Variants in HPCAL1 observed in about 807,000 individuals in gnomAD.
The protein encoded by HPCAL1 is hippocalcin-like protein 1.
A neutral mutation model predicts 17.1 loss-of-function variants in HPCAL1; 8 were observed. That is an observed-to-expected ratio of 0.47 (90% CI 0.27 to 0.84). The LOEUF (loss-of-function observed/expected upper bound fraction) is 0.84. Among genes scored for constraint, HPCAL1 ranks in the 40% least tolerant of loss-of-function variants. The pLI, the probability that HPCAL1 is intolerant of heterozygous loss-of-function variation, is 0.13. For missense variants in HPCAL1, 165 were observed against 271.1 expected, an observed-to-expected ratio of 0.61 and a Z score of 2.75; for synonymous variants, 112 against 111.4, an observed-to-expected ratio of 1.01 and a Z score of -0.03.
chr2:10,329,454 A>G (rs1056473664), intron 1 of HPCAL1, among the ~76,000 whole-genome samples: 17 of 152,142 alleles, frequency 1.1e-4, no homozygotes, highest in African/African-American at 3.9e-4. Flanking sequence ...GAGATGAAAC[A>G]CTGCTGGCTC....
intron 1 of HPCAL1, among the ~76,000 whole-genome samples, chr2:10,340,487 AG>A (rs149805202): frequency 0.063 from 9,567 of 152,240 alleles, 848 homozygotes; most frequent in African/African-American, 0.2. Flanking sequence ...CTCAGATAGT[AG>A]GAATAGGTAG....
intron 2 of HPCAL1, among the ~76,000 whole-genome samples, chr2:10,406,983 A>T (rs1670013921): frequency 6.6e-6 from 1 of 152,026 alleles, no homozygotes; most frequent in Admixed American, 6.6e-5. Flanking sequence ...CAGCTCAAAG[A>T]GCTCCTCTCC....
chr2:10,370,904 A>G (rs1396535141), intron 1 of HPCAL1, among the ~76,000 whole-genome samples: 1 of 152,190 alleles, frequency 6.6e-6, no homozygotes, highest in Non-Finnish European at 1.5e-5. Context: ...AAGGGGGCCC[A>G]CCTAAAGTTG....
intron 2 of HPCAL1, among the ~76,000 whole-genome samples, chr2:10,413,004 C>G (rs1307962192): frequency 2.0e-5 from 3 of 152,228 alleles, no homozygotes; most frequent in African/African-American, 7.2e-5. Flanking sequence ...CTTCTGCCTC[C>G]ACATTCTTCT....
At chr2:10,415,143 G>T (rs368294372) in intron 2 of HPCAL1, among the ~76,000 whole-genome samples, 1 of 152,234 alleles carries the variant, frequency 6.6e-6, no homozygotes, top group African/African-American at 2.4e-5. Flanking sequence ...GGGACAGCCC[G>T]GTGGGTCAAC....
At chr2:10,358,702 A>T (rs1370709481) in intron 1 of HPCAL1, among the ~76,000 whole-genome samples, 1 of 152,030 alleles carries the variant, frequency 6.6e-6, no homozygotes, top group Non-Finnish European at 1.5e-5. Context: ...AATGCCCCGG[A>T]GTTTGGCTGG....
intron 1 of HPCAL1, among the ~76,000 whole-genome samples, chr2:10,317,931 G>T (rs1221464944): frequency 6.6e-6 from 1 of 151,946 alleles, no homozygotes; most frequent in African/African-American, 2.4e-5. Flanking sequence ...AACCTCTCTT[G>T]TTGTCCCCAT....
intron 1 of HPCAL1, among the ~76,000 whole-genome samples, chr2:10,328,817 CT>C (rs1349681589): frequency 6.6e-6 from 1 of 152,070 alleles, no homozygotes; most frequent in Non-Finnish European, 1.5e-5. Flanking sequence ...CCCATCTGAA[CT>C]TTCTCTGCCC....
At chr2:10,319,407 G>A (rs1040806686) in intron 1 of HPCAL1, among the ~76,000 whole-genome samples, 4 of 152,148 alleles carry the variant, frequency 2.6e-5, no homozygotes, top group Admixed American at 2.0e-4. Context: ...GTAATTTGCC[G>A]TTATGTACTG....
At position 10,384,618 on chromosome 2, in the gene HPCAL1, G is replaced by A. The variant is rs1182527088; in HGVS notation, c.-110-12217G>A. ...GAGGTGCTCAGTGCTATGAAAGCCA[G>A]CAGCTGGGAGTTTCAGGGGCTTCCC... On this transcript the variant is annotated intron_variant, in intron 1 of 4. Coordinates refer to ENST00000307845, the MANE Select transcript of HPCAL1 (RefSeq NM_002149.4). The surrounding 1 kb of genome is among the most constrained non-coding windows in gnomAD (Gnocchi z 4.4). 6.6e-6 allele frequency among the ~76,000 whole-genome samples: 1 copy of A among 152,168 alleles called. No individual in the cohort carries two copies. Among genetic ancestry groups the A allele is most frequent in the Non-Finnish European group, 1.5e-5 (1 of 68,038 alleles).
At chr2:10,424,881 TGCTCCAG>T (rs1464585741) in intron 4 of HPCAL1, 35 of 338,164 alleles carry the variant, frequency 1.0e-4, no homozygotes, top group Non-Finnish European at 2.0e-4. Context: ...GGTGCCTGGC[TGCTCCAG>T]GCCTCTAGGC....
chr2:10,340,647 C>CT (rs1665022379), intron 1 of HPCAL1, among the ~76,000 whole-genome samples: 1 of 152,208 alleles, frequency 6.6e-6, no homozygotes, highest in South Asian at 2.1e-4. Flanking sequence ...CAACCCCAAG[C>CT]TTGCTGCTCT....
At chr2:10,313,171 G>A (rs1049345642) in intron 1 of HPCAL1, among the ~76,000 whole-genome samples, 3 of 152,214 alleles carry the variant, frequency 2.0e-5, no homozygotes, top group African/African-American at 4.8e-5. Flanking sequence ...AGAATCTCAC[G>A]TATTCTTTCA....
At chr2:10,404,921 G>A (rs999866309) in intron 2 of HPCAL1, among the ~76,000 whole-genome samples, 3 of 152,118 alleles carry the variant, frequency 2.0e-5, no homozygotes, top group African/African-American at 4.8e-5. Context: ...AGCCCAGGCC[G>A]CAGCCCCCAC....
chr2:10,400,027 G>A (rs1157729432), intron 2 of HPCAL1, among the ~76,000 whole-genome samples: 2 of 152,232 alleles, frequency 1.3e-5, no homozygotes, highest in Non-Finnish European at 2.9e-5. Context: ...AAGCTGGAAA[G>A]GGGATAAAGA....
In HPCAL1 at chr2:10,343,346, C is replaced by G. The variant is rs1481616360; in HGVS notation, c.-111+40169C>G. ...CAATCCTCGGAGTAATGACTCTCTT[C>G]TAGGAGCAAGATGATGCTAATTCTC... is the stretch of plus-strand genomic sequence containing the variant. On this transcript the variant is annotated intron_variant, in intron 1 of 4. Coordinates refer to ENST00000307845, the MANE Select transcript of HPCAL1 (RefSeq NM_002149.4). This position sits in a 1 kb window ranked among gnomAD's most constrained non-coding sequence, Gnocchi z 4.8. Among the ~76,000 whole-genome samples, 1 of 152,206 alleles carries G rather than the reference C, an allele frequency of 6.6e-6. No homozygotes were observed. Among genetic ancestry groups the G allele is most frequent in the Non-Finnish European group, 1.5e-5 (1 of 68,032 alleles).
chr2:10,420,201 G>GC, intron 3 of HPCAL1, 66 bp downstream of exon 3: 1 of 742,564 alleles, frequency 1.3e-6, no homozygotes, highest in Non-Finnish European at 2.0e-6. Context: ...CCAGCCCCCA[G>GC]CCCAGGGCTT....
At chr2:10,387,475 G>A (rs1668391957) in intron 1 of HPCAL1, among the ~76,000 whole-genome samples, 1 of 152,230 alleles carries the variant, frequency 6.6e-6, no homozygotes, top group African/African-American at 2.4e-5. Flanking sequence ...CTGTTTCTGA[G>A]CCATCTAGGT....
At chr2:10,324,428 C>A (rs1318503820) in intron 1 of HPCAL1, 1 of 152,214 alleles carries the variant, frequency 6.6e-6, no homozygotes, top group African/African-American at 2.4e-5. Context: ...GCCAGAACTA[C>A]CAGTTTTGTG....
Sources: gnomAD v4.1 joint callset for allele counts (sites outside exome capture counted in the v4.1 genomes callset) on GRCh38, gnomAD v4.1.1 for gene constraint, Gnocchi (gnomAD v3.1) non-coding constraint, MANE v1.5 for transcripts, NCBI Gene and HGNC (gene_info 2026-07-23, HGNC 2026-07-21) for gene names.